The following APOBEC3G variants were observed in gnomAD, a reference collection of about 807,000 sequenced individuals.
APOBEC3G encodes apolipoprotein B mRNA editing enzyme catalytic subunit 3G.
Under a neutral mutation model 50.0 loss-of-function variants are expected in APOBEC3G, and 44 were observed. The observed-to-expected ratio is 0.88, with a 90% CI of 0.69 to 1.13. The LOEUF is 1.13. APOBEC3G is among the 50% of genes most tolerant of loss of function. The probability of loss-of-function intolerance (pLI) is 0.00; values close to 1 mark genes in which losing one functional copy is unlikely to be tolerated. For missense variants in APOBEC3G, 469 were observed against 492.0 expected, an observed-to-expected ratio of 0.95 and a Z score of 0.44; for synonymous variants, 156 against 175.3, an observed-to-expected ratio of 0.89 and a Z score of 0.87.
intron 4 of APOBEC3G, 130 bp downstream of exon 4, chr22:39,081,715 C>T: frequency 4.2e-6 from 3 of 714,524 alleles, no homozygotes; most frequent in South Asian, 1.7e-5. Context: ...TGCCCCCTGC[C>T]TGCCCTCGTG....
chr22:39,086,362 G>A lies in APOBEC3G; in HGVS notation c.819G>A (p.Leu273=), dbSNP rs868327835. 6.2e-7 allele frequency: 1 copy of A among 1,614,078 alleles called. No homozygotes were observed. The highest frequency in any genetic ancestry group is 8.5e-7 in the Non-Finnish European group (1 of 1,179,968). The change falls in exon 6 of 8, where the codon CTG becomes CTA. Residue 273 remains leucine (L), a synonymous_variant. Coordinates refer to ENST00000407997, the MANE Select transcript of APOBEC3G (RefSeq NM_021822.4). The part of the protein sequence containing the change: ...LDVIPFWKLD[L]DQDYRVTCFT... ...TGATTCCCTTTTGGAAGCTGGACCTGGACCAGGACTACAGGGTTACCTGCT... is the reference window on the plus strand; with the variant it reads ...TGATTCCCTTTTGGAAGCTGGACCTAGACCAGGACTACAGGGTTACCTGCT...
chr22:39,083,964 C>T (rs1317352028), intron 5 of APOBEC3G, 80 bp downstream of exon 5: 3 of 1,503,454 alleles, frequency 2.0e-6, no homozygotes, highest in South Asian at 1.3e-5. Context: ...CTGGGTGGTA[C>T]CTGTGGTGTC....
chr22:39,078,347 AT>A (rs1928256967), intron 1 of APOBEC3G, among the ~76,000 whole-genome samples: 1 of 152,252 alleles, frequency 6.6e-6, no homozygotes, highest in African/African-American at 2.4e-5. Flanking sequence ...TTATTTTAAA[AT>A]TTAGTAAGAA....
At position 39,077,296 on chromosome 22, in the gene APOBEC3G, C is replaced by G. The variant is rs1569081313; in HGVS notation, c.-66C>G. On this transcript the variant is annotated 5_prime_UTR_variant, in exon 1 of 8. Coordinates refer to ENST00000407997, the MANE Select transcript of APOBEC3G (RefSeq NM_021822.4). ...GGGAGGGCTGTCCTAAAACCAGAAG[C>G]TTGGAGCAGAAAGTGAAACCCTGGT... The G allele has an allele frequency of 5.1e-6, 8 of 1,553,854 alleles. No individual in the cohort carries two copies. Among genetic ancestry groups the G allele is most frequent in the South Asian group, 1.2e-5 (1 of 84,192 alleles).
Position 39,081,234 on chromosome 22 carries a change from A to G in APOBEC3G, c.466+7A>G. 3 of 1,613,448 alleles carry G rather than the reference A, an allele frequency of 1.9e-6. No homozygotes were observed. The highest frequency in any genetic ancestry group is 2.5e-6 in the Non-Finnish European group (3 of 1,179,582). ...AAGATCATGAATTATGACGGTGAGA[A>G]GTGGGAGGTTCAGGGGTGTGGGAGA... On this transcript the variant is annotated splice_region_variant and intron_variant, in intron 3 of 7. Transcript: ENST00000407997.
intron 2 of APOBEC3G, chr22:39,080,032 G>A (rs1464324698): frequency 1.2e-4 from 19 of 160,882 alleles, no homozygotes; most frequent in Non-Finnish European, 2.0e-4. Context: ...CAACAAGAGC[G>A]AAACTCCATC....
chr22:39,081,389 A>C (rs1928446614), intron 3 of APOBEC3G, 82 bp from the exon 4 acceptor site: 2 of 1,536,038 alleles, frequency 1.3e-6, no homozygotes, highest in African/African-American at 2.7e-5. Flanking sequence ...TAGTATCTAG[A>C]ATATGTCTGG....
chr22:39,079,782 C>T (rs1172955438), intron 2 of APOBEC3G: 1 of 151,906 alleles, frequency 6.6e-6, no homozygotes, highest in East Asian at 1.9e-4. Flanking sequence ...CACCTCTAAT[C>T]CCAGCACTTT....
Position 39,087,609 on chromosome 22 carries a change from A to C in APOBEC3G, c.*188A>C. On this transcript the variant is annotated 3_prime_UTR_variant, in exon 8 of 8. Transcript: ENST00000407997. Reference sequence around the variant, plus strand: ...TAGAGTGCATTACTTTGAATCAAAAATTTATTTATATTTCAAGAATAAAGT... The same window carrying C: ...TAGAGTGCATTACTTTGAATCAAAACTTTATTTATATTTCAAGAATAAAGT... 1.8e-6 allele frequency: 2 copies of C among 1,134,492 alleles called. No individual in the cohort carries two copies. The highest frequency in any genetic ancestry group is 1.7e-5 in the South Asian group (1 of 60,280). The allele number at this position is 1,134,492 out of a possible 1,614,324, so 70.3% of individuals were successfully genotyped here. A position where few individuals can be genotyped will look rare whatever the true frequency, so the allele number is the denominator to read the frequency against.
At chr22:39,087,289 TC>T in intron 7 of APOBEC3G, 117 bp from the exon 8 acceptor site, 1 of 1,597,242 alleles carries the variant, frequency 6.3e-7, no homozygotes, top group Non-Finnish European at 8.6e-7. Flanking sequence ...TCCCTTTCTC[TC>T]CCACCTCCCA....
intron 4 of APOBEC3G, chr22:39,081,885 C>T (rs747250120): frequency 3.0e-6 from 1 of 328,826 alleles, no homozygotes; most frequent in Non-Finnish European, 5.6e-6. Context: ...CTTCCATCTC[C>T]CTGGCATAAC....
intron 1 of APOBEC3G, 39 bp from the exon 2 acceptor site, chr22:39,078,893 T>C (rs55881072): frequency 5.0e-6 from 8 of 1,610,852 alleles, no homozygotes; most frequent in Admixed American, 3.3e-5. Context: ...CCCCCAGGAG[T>C]GCTCTCTACA....
chr22:39,079,159 T>C, intron 2 of APOBEC3G, 74 bp downstream of exon 2: 7 of 1,518,938 alleles, frequency 4.6e-6, no homozygotes, highest in Non-Finnish European at 6.2e-6. Context: ...CACTGATAAG[T>C]GAAGTGCCCG....
rs1446509249 is a variant in APOBEC3G at position 39,087,605 on chromosome 22, A to G, written c.*184A>G. The stretch of plus-strand genomic sequence containing the variant: ...AAATTAGAGTGCATTACTTTGAATC[A>G]AAAATTTATTTATATTTCAAGAATA... On this transcript the variant is annotated 3_prime_UTR_variant, in exon 8 of 8. Coordinates refer to ENST00000407997, the MANE Select transcript of APOBEC3G (RefSeq NM_021822.4). 8.4e-7 allele frequency: 1 copy of G among 1,184,884 alleles called. No individual in the cohort carries two copies. Among genetic ancestry groups the G allele is most frequent in the Non-Finnish European group, 1.2e-6 (1 of 854,416 alleles). The allele number at this position is 1,184,884 out of a possible 1,614,324, so 73.4% of individuals were successfully genotyped here. A position where few individuals can be genotyped will look rare whatever the true frequency, so the allele number is the denominator to read the frequency against.
At chr22:39,078,684 T>A (rs1258398213) in intron 1 of APOBEC3G, 3 of 485,798 alleles carry the variant, frequency 6.2e-6, no homozygotes, top group African/African-American at 5.9e-5. Context: ...AAAGCTGTTA[T>A]TTTGGGGTGA....
chr22:39,079,154 A>G, intron 2 of APOBEC3G, 69 bp downstream of exon 2: 5 of 1,547,594 alleles, frequency 3.2e-6, no homozygotes, highest in East Asian at 4.6e-5. Context: ...CCACGCACTG[A>G]TAAGTGAAGT....
rs1928302455 is a variant in APOBEC3G, at chr22:39,078,993, C to T, written c.79C>T (p.Leu27Phe). ...FSYNFYNRPI[L>F]SRRNTVWLCY... is the part of the protein sequence containing the mutation. ...CTACAACTTTTATAATAGACCCATCCTTTCTCGTCGGAATACCGTCTGGCT... is the reference window on the plus strand; with the variant it reads ...CTACAACTTTTATAATAGACCCATCTTTTCTCGTCGGAATACCGTCTGGCT... The change falls in exon 2 of 8, where the codon CTT becomes TTT. Residue 27 changes from leucine to phenylalanine, a missense_variant. By Grantham distance (22) the Leu-to-Phe change is conservative. Coordinates refer to ENST00000407997, the MANE Select transcript of APOBEC3G (RefSeq NM_021822.4). 1.2e-6 allele frequency: 2 copies of T among 1,614,072 alleles called. No individual in the cohort carries two copies. The highest frequency in any genetic ancestry group is 2.7e-5 in the African/African-American group (2 of 74,928).
rs1237146368 is a variant in APOBEC3G at position 39,087,060 on chromosome 22, C to A, written c.1074C>A (p.Phe358Leu). 1 of 1,613,598 alleles carries A rather than the reference C, an allele frequency of 6.2e-7. No homozygotes were observed. The highest frequency in any genetic ancestry group is 1.1e-5 in the South Asian group (1 of 91,030). ...DTFVDHQGCP[F>L]QPWDGLDEHS... ...TTGTGGACCACCAGGGATGTCCCTT[C>A]CAGCCCTGGGATGGACTAGATGAGC... Residue 358 changes from phenylalanine to leucine, a missense_variant, in exon 7 of 8, where the codon TTC becomes TTA. Phe to Leu is a conservative substitution (Grantham distance 22). Coordinates refer to ENST00000407997, the MANE Select transcript of APOBEC3G (RefSeq NM_021822.4).
At position 39,081,573 on chromosome 22, in the gene APOBEC3G, G is replaced by A. The variant is rs778622834; in HGVS notation, c.569G>A (p.Gly190Glu). The change falls in exon 4 of 8, where the codon GGG (glycine) becomes GAG (glutamate). Residue 190 changes from glycine (G) to glutamate (E), a missense_variant. Coordinates refer to ENST00000407997, the MANE Select transcript of APOBEC3G (RefSeq NM_021822.4). The stretch of plus-strand genomic sequence containing the variant: ...TATATATTACTGCACATCATGCTGG[G>A]GGAGATTCTCAGGTGAGGGTCTCCC... ...KYYILLHIML[G>E]EILRHSMDPP... The A allele has an allele frequency of 6.2e-7, 1 of 1,613,540 alleles. No individual in the cohort carries two copies. Among genetic ancestry groups the A allele is most frequent in the Admixed American group, 1.7e-5 (1 of 60,016 alleles).
Sources: gnomAD v4.1 joint callset for allele counts (sites outside exome capture counted in the v4.1 genomes callset) on GRCh38, gnomAD v4.1.1 for gene constraint, MANE v1.5 for transcripts, NCBI Gene and HGNC (gene_info 2026-07-23, HGNC 2026-07-21) for gene names.